Variants in CAPN11 observed in about 807,000 individuals in gnomAD.
The protein encoded by CAPN11 is calpain 11.
Under a neutral mutation model 105.3 loss-of-function variants are expected in CAPN11, and 108 were observed. The ratio of observed to expected loss-of-function variants is 1.03; its 90% CI spans 0.88 to 1.20. The LOEUF (loss-of-function observed/expected upper bound fraction) is 1.20. CAPN11 is among the 50% of genes most tolerant of loss of function. The pLI is 0.00. For synonymous variants in CAPN11, 329 were observed against 344.5 expected (o/e 0.96, Z 0.50); for missense variants, 883 against 924.8 (o/e 0.95, Z 0.59).
intron 1 of CAPN11, among the ~76,000 whole-genome samples, chr6:44,162,408 C>T (rs1769038805): frequency 6.7e-6 from 1 of 148,646 alleles, no homozygotes; most frequent in Non-Finnish European, 1.5e-5. Flanking sequence ...CACACACACA[C>T]ACCTGTAATC....
Position 44,163,098 on chromosome 6 carries a change from CCAGTCTTTTT to C in CAPN11, c.17-3657_17-3648del, listed in dbSNP as rs560019102. ...ACGTTTTCTGAGCACCTGCTAAACT[CCAGTCTTTTT>C]CACACGTTGCATTCTTCAATCCTGA... is the stretch of plus-strand genomic sequence containing the variant. On this transcript the variant is annotated intron_variant, in intron 1 of 22. Transcript: ENST00000398776. Among the ~76,000 whole-genome samples the C allele has an allele frequency of 9.2e-5, 14 of 152,256 alleles. No homozygotes were observed. The South Asian group carries it at 2.9e-3, about 32-fold the overall frequency.
At chr6:44,183,831 C>T in intron 22 of CAPN11, 68 bp downstream of exon 22, 3 of 1,578,926 alleles carry the variant, frequency 1.9e-6, no homozygotes, top group Middle Eastern at 1.7e-4. Flanking sequence ...CCACCCCCAC[C>T]CAGCTCTGAT....
chr6:44,179,771 G>A, intron 13 of CAPN11, 141 bp downstream of exon 13: 1 of 998,672 alleles, frequency 1.0e-6, no homozygotes, highest in South Asian at 1.3e-5. Flanking sequence ...TTCAGGGCTG[G>A]TAGGGGTCGG....
intron 19 of CAPN11, among the ~76,000 whole-genome samples, chr6:44,181,877 ACACT>A (rs1303384646): frequency 1.3e-5 from 1 of 76,672 alleles, no homozygotes; most frequent in Non-Finnish European, 3.1e-5. Flanking sequence ...ACACACATAC[ACACT>A]CACATACAGA....
At chr6:44,181,554 CACAT>C (rs1370222595) in intron 19 of CAPN11, among the ~76,000 whole-genome samples, 3 of 69,000 alleles carry the variant, frequency 4.3e-5, no homozygotes, top group Admixed American at 1.8e-4. Flanking sequence ...CACACACACT[CACAT>C]ACAGACACAA....
At chr6:44,181,511 C>CACACACACACACACAT (rs1773304797) in intron 19 of CAPN11, among the ~76,000 whole-genome samples, 191 bp downstream of exon 19, 1 of 107,754 alleles carries the variant, frequency 9.3e-6, no homozygotes, top group Non-Finnish European at 1.9e-5. Flanking sequence ...CACACACACT[C>CACACACACACACACAT]ACATACAGAC....
intron 1 of CAPN11, among the ~76,000 whole-genome samples, chr6:44,161,593 A>G (rs1034909369): frequency 1.3e-5 from 2 of 152,110 alleles, no homozygotes; most frequent in African/African-American, 4.8e-5. Flanking sequence ...CACCCTGGGG[A>G]CTGGGTATGC....
chr6:44,180,934 CA>C lies in CAPN11; in HGVS notation c.1810del (p.Ser604AlafsTer15). ...TTCTACCCCTTCCCTTCCTCACAGT[CA>C]AAAGCTTCAAGACCAAGGGCTTTGG... ...RLLNRMAIKF[K>X]SFKTKGFGLD... On this transcript the variant is annotated frameshift_variant and splice_region_variant, in exon 18 of 23. Transcript: ENST00000398776. LOFTEE classifies it high-confidence loss of function. The C allele has an allele frequency of 6.2e-7, 1 of 1,613,574 alleles. No homozygotes were observed. The highest frequency in any genetic ancestry group is 8.5e-7 in the Non-Finnish European group (1 of 1,179,610).
chr6:44,164,589 G>A (rs1486601469), intron 1 of CAPN11, among the ~76,000 whole-genome samples: 1 of 152,160 alleles, frequency 6.6e-6, no homozygotes, highest in Non-Finnish European at 1.5e-5. Context: ...CAAGTTCTGC[G>A]CGGACACCAC....
intron 12 of CAPN11, among the ~76,000 whole-genome samples, chr6:44,179,304 T>C (rs1029708752): frequency 5.3e-5 from 7 of 133,272 alleles, no homozygotes; most frequent in South Asian, 2.3e-4. Context: ...CTGAAGGAAT[T>C]TTTTTTTTTT....
rs1582893276 is a variant in CAPN11 at position 44,182,925 on chromosome 6, C to CT, written c.1939-15dup. 2 of 1,587,600 alleles carry CT rather than the reference C, an allele frequency of 1.3e-6. No homozygotes were observed. The highest frequency in any genetic ancestry group is 8.6e-7 in the Non-Finnish European group (1 of 1,161,170). Reference sequence around the variant, plus strand: ...TGCCATGCATGTGGCCCTACCATATCTGTCTGTCTCTTCAGGACATCTTCA... The same window carrying CT: ...TGCCATGCATGTGGCCCTACCATATCTTGTCTGTCTCTTCAGGACATCTTCA... On this transcript the variant is annotated splice_polypyrimidine_tract_variant and intron_variant, in intron 19 of 22. Transcript: ENST00000398776.
intron 1 of CAPN11, among the ~76,000 whole-genome samples, chr6:44,159,365 C>G (rs889847841): frequency 4.6e-5 from 7 of 152,092 alleles, no homozygotes; most frequent in African/African-American, 1.2e-4. Context: ...AGCCTGGGAC[C>G]AGACTCCAGG....
intron 13 of CAPN11, 146 bp downstream of exon 13, chr6:44,179,776 G>C: frequency 2.1e-6 from 2 of 971,114 alleles, no homozygotes; most frequent in Non-Finnish European, 3.3e-6. Context: ...GGCTGGTAGG[G>C]GTCGGGAAAG....
intron 7 of CAPN11, 135 bp downstream of exon 7, chr6:44,173,521 C>T: frequency 1.7e-6 from 1 of 602,728 alleles, no homozygotes; most frequent in Non-Finnish European, 2.9e-6. Flanking sequence ...CTAGCCTTCC[C>T]TACCTCCCCG....
intron 17 of CAPN11, 62 bp downstream of exon 17, chr6:44,180,867 C>T (rs1773025820): frequency 6.2e-7 from 1 of 1,603,038 alleles, no homozygotes; most frequent in South Asian, 1.1e-5. Context: ...CTCTTGATCA[C>T]TCCCAGTGCC....
Position 44,181,296 on chromosome 6 carries a change from G to GT in CAPN11, c.1915dup (p.Trp639LeufsTer15), listed in dbSNP as rs772760693. On this transcript the variant is annotated frameshift_variant, in exon 19 of 23. Coordinates refer to ENST00000398776, the MANE Select transcript of CAPN11 (RefSeq NM_007058.4). LOFTEE classifies it high-confidence loss of function. Reference sequence around the variant, plus strand: ...TGGGGCTTCTAGAGTTCAAGATCCTGTGGAAAAAACTCAAGAAATGGATGG... The same window carrying GT: ...TGGGGCTTCTAGAGTTCAAGATCCTGTTGGAAAAAACTCAAGAAATGGATGG... 10 of 1,613,464 alleles carry GT rather than the reference G, an allele frequency of 6.2e-6. No individual in the cohort carries two copies. The African/African-American group carries it at 1.1e-4, about 17-fold the overall frequency.
Position 44,183,939 on chromosome 6 carries a change from T to C in CAPN11, c.*7T>C. 2 of 1,553,692 alleles carry C rather than the reference T, an allele frequency of 1.3e-6. No homozygotes were observed. Among genetic ancestry groups the C allele is most frequent in the Non-Finnish European group, 1.7e-6 (2 of 1,148,206 alleles). On this transcript the variant is annotated 3_prime_UTR_variant, in exon 23 of 23. Coordinates refer to ENST00000398776, the MANE Select transcript of CAPN11 (RefSeq NM_007058.4). ...GATGACCATGTGGGGATAGAGGCGC[T>C]GTAGGAGCCTGGTCATCTCTACCAG...
chr6:44,171,230 C>A (rs1352874294), intron 4 of CAPN11, among the ~76,000 whole-genome samples: 1 of 152,192 alleles, frequency 6.6e-6, no homozygotes, highest in East Asian at 1.9e-4. Flanking sequence ...GCCCCTGGAC[C>A]CCACCCAGCA....
rs1561849489 is a variant in CAPN11, at chr6:44,177,287, G to A, written c.1283G>A (p.Gly428Glu). The change falls in exon 12 of 23, where the codon GGG (glycine) becomes GAG (glutamate). Residue 428 changes from glycine (G) to glutamate (E), a missense_variant. By Grantham distance (98) the Gly-to-Glu change is moderately conservative. Coordinates refer to ENST00000398776, the MANE Select transcript of CAPN11 (RefSeq NM_007058.4). ...CAGTTTAAGATCTCTCTTCCTGAGG[G>A]GGATGACCCAGAGGATGACGCAGAG... ...NPQFKISLPE[G>E]DDPEDDAEGN... 1.9e-6 allele frequency: 3 copies of A among 1,611,988 alleles called. No homozygotes were observed. The highest frequency in any genetic ancestry group is 1.7e-4 in the Middle Eastern group (1 of 6,054).
Sources: gnomAD v4.1 joint callset for allele counts (sites outside exome capture counted in the v4.1 genomes callset) on GRCh38, gnomAD v4.1.1 for gene constraint, MANE v1.5 for transcripts, NCBI Gene and HGNC (gene_info 2026-07-23, HGNC 2026-07-21) for gene names.